Variants in SORCS1 observed in about 807,000 individuals in gnomAD.
The protein encoded by SORCS1 is VPS10 domain-containing receptor SorCS1.
Under a neutral mutation model 146.1 loss-of-function variants are expected in SORCS1, and 60 were observed. The observed-to-expected ratio is 0.41, with a 90% CI of 0.33 to 0.51. The LOEUF (loss-of-function observed/expected upper bound fraction) is 0.51, where lower values mean the gene tolerates loss of function less well. Ranked by LOEUF, SORCS1 falls within the 20% of genes least tolerant of loss-of-function variation. The probability of loss-of-function intolerance (pLI) is 0.21; values close to 1 mark genes in which losing one functional copy is unlikely to be tolerated. For missense variants in SORCS1, 1,352 were observed against 1,487.6 expected (o/e 0.91, Z 1.50); for synonymous variants, 637 against 584.0 (o/e 1.09, Z -1.31).
At chr10:107,168,616 T>C (rs987263173), upstream of SORCS1, among the ~76,000 whole-genome samples, 1 of 151,254 alleles carries the variant, frequency 6.6e-6, no homozygotes, top group African/African-American at 2.4e-5. Context: ...ATCAGATATA[T>C]ACTCTATGCC....
intron 17 of SORCS1, among the ~76,000 whole-genome samples, chr10:106,663,443 T>C (rs1309354239): frequency 2.0e-5 from 3 of 152,144 alleles, no homozygotes; most frequent in Non-Finnish European, 4.4e-5. Context: ...ATTGGGATGA[T>C]GATGTAAATT....
chr10:106,618,292 A>G lies in SORCS1; in HGVS notation c.2797-20T>C. ...CAAAGGCTAAAATAAACAAGGGCCC[A>G]GAGTGAAGGGAAAGCTCTTTAGTTA... On this transcript the variant is annotated intron_variant, in intron 20 of 25. Transcript: ENST00000263054. 6.2e-7 allele frequency: 1 copy of G among 1,612,516 alleles called. No homozygotes were observed. Among genetic ancestry groups the G allele is most frequent in the Non-Finnish European group, 8.5e-7 (1 of 1,179,116 alleles).
intron 1 of SORCS1, among the ~76,000 whole-genome samples, chr10:107,135,186 TG>T (rs1967181212): frequency 6.6e-6 from 1 of 152,250 alleles, no homozygotes; most frequent in Non-Finnish European, 1.5e-5. Flanking sequence ...TTTCTTTTAA[TG>T]ATTTTATGTC....
intron 1 of SORCS1, among the ~76,000 whole-genome samples, chr10:107,108,979 T>G (rs1385679599): frequency 6.6e-6 from 1 of 152,196 alleles, no homozygotes; most frequent in Non-Finnish European, 1.5e-5. Context: ...ATAATCTTCT[T>G]TCACTCCTTG....
At chr10:107,055,377 T>C (rs566120239) in intron 1 of SORCS1, among the ~76,000 whole-genome samples, 1 of 152,248 alleles carries the variant, frequency 6.6e-6, no homozygotes, top group Non-Finnish European at 1.5e-5. Context: ...GTTTAAGTTA[T>C]ACAGGCAGGA....
intron 2 of SORCS1, among the ~76,000 whole-genome samples, chr10:106,956,232 A>G (rs928279018): frequency 2.6e-5 from 4 of 152,352 alleles, no homozygotes; most frequent in African/African-American, 7.2e-5. Context: ...TTCTGCTCCA[A>G]TAAACTCACA....
chr10:106,577,640 T>C (rs555452888), intron 25 of SORCS1, 85 bp from the exon 26 acceptor site: 2 of 1,571,798 alleles, frequency 1.3e-6, no homozygotes, highest in Admixed American at 1.8e-5. Context: ...CTGCGATATC[T>C]TCCTGGAGAA....
chr10:106,602,473 T>A (rs1024098827), intron 23 of SORCS1, among the ~76,000 whole-genome samples: 4 of 149,690 alleles, frequency 2.7e-5, no homozygotes, highest in Non-Finnish European at 4.4e-5. Context: ...AGCCAAATAC[T>A]AAATTCTAAT....
chr10:107,157,052 A>G (rs1969338773), intron 1 of SORCS1, among the ~76,000 whole-genome samples: 1 of 152,208 alleles, frequency 6.6e-6, no homozygotes, highest in Non-Finnish European at 1.5e-5. Flanking sequence ...CAACTTGAAA[A>G]GCTGAACCTG....
At chr10:106,721,566 T>C (rs1228039154) in intron 6 of SORCS1, among the ~76,000 whole-genome samples, 2 of 152,222 alleles carry the variant, frequency 1.3e-5, no homozygotes, top group East Asian at 1.9e-4. Context: ...TGCTCTCAGA[T>C]GGGTTATATT....
chr10:106,707,799 C>A (rs574761877), intron 7 of SORCS1, among the ~76,000 whole-genome samples: 34 of 152,276 alleles, frequency 2.2e-4, no homozygotes, highest in African/African-American at 8.2e-4. Context: ...AAGGGCACCA[C>A]CACGTCTCTC....
At chr10:107,034,696 A>C (rs1014822340) in intron 1 of SORCS1, among the ~76,000 whole-genome samples, 6 of 146,356 alleles carry the variant, frequency 4.1e-5, no homozygotes, top group Non-Finnish European at 1.5e-5. Context: ...AAAAAAAAAA[A>C]AAAAAAAAAA....
chr10:107,038,229 T>C (rs147672750), intron 1 of SORCS1, among the ~76,000 whole-genome samples: 1 of 152,196 alleles, frequency 6.6e-6, no homozygotes. Flanking sequence ...TGAAGCTTCA[T>C]AAGCTTCCCT....
chr10:107,082,480 CTTTT>C (rs1565016199), intron 1 of SORCS1, among the ~76,000 whole-genome samples: 1 of 150,414 alleles, frequency 6.6e-6, no homozygotes, highest in African/African-American at 2.4e-5. Flanking sequence ...TTTTTCTTTT[CTTTT>C]TTGTTTTTTT....
At chr10:106,952,251 T>C (rs781507338) in intron 2 of SORCS1, among the ~76,000 whole-genome samples, 39 of 152,184 alleles carry the variant, frequency 2.6e-4, no homozygotes, top group Non-Finnish European at 3.8e-4. Context: ...TGATTGGCTT[T>C]CTGTGCAGTG....
At chr10:106,773,197 G>A (rs1860160068) in intron 4 of SORCS1, among the ~76,000 whole-genome samples, 1 of 152,196 alleles carries the variant, frequency 6.6e-6, no homozygotes, top group Non-Finnish European at 1.5e-5. Flanking sequence ...ATTAGCAGCT[G>A]TCACAGAAAA....
At chr10:107,166,205 C>A (rs890561469), upstream of SORCS1, among the ~76,000 whole-genome samples, 17 of 152,114 alleles carry the variant, frequency 1.1e-4, no homozygotes, top group Admixed American at 4.6e-4. Flanking sequence ...TGTTCATTTT[C>A]ATACTAGAAT....
At chr10:106,873,583 A>T (rs2137604862) in intron 2 of SORCS1, among the ~76,000 whole-genome samples, 1 of 152,240 alleles carries the variant, frequency 6.6e-6, no homozygotes, top group African/African-American at 2.4e-5. Flanking sequence ...TGGCCCTATG[A>T]CTTATTTATT....
chr10:107,164,980 G>C (rs960073831), upstream of SORCS1, among the ~76,000 whole-genome samples: 27 of 150,900 alleles, frequency 1.8e-4, no homozygotes, highest in Non-Finnish European at 3.5e-4. The surrounding 1 kb of genome is among the most constrained non-coding windows in gnomAD (Gnocchi z 6.8). Flanking sequence ...GCGGGTCCCG[G>C]CGCTGAGTCC....
Sources: gnomAD v4.1 joint callset for allele counts (sites outside exome capture counted in the v4.1 genomes callset) on GRCh38, gnomAD v4.1.1 for gene constraint, Gnocchi (gnomAD v3.1) non-coding constraint, MANE v1.5 for transcripts, NCBI Gene and HGNC (gene_info 2026-07-23, HGNC 2026-07-21) for gene names.